The following SCEL variants were observed in gnomAD, a reference collection of about 807,000 sequenced individuals.
The protein encoded by SCEL is sciellin.
Under a neutral mutation model 117.6 loss-of-function variants are expected in SCEL, and 113 were observed. The ratio of observed to expected loss-of-function variants is 0.96; its 90% CI spans 0.83 to 1.12. The LOEUF (loss-of-function observed/expected upper bound fraction) is 1.12, where lower values mean the gene tolerates loss of function less well. Among genes scored for constraint, SCEL ranks in the 50% most tolerant of loss-of-function variants. The pLI is 0.00. For missense variants in SCEL, 785 were observed against 810.8 expected, an observed-to-expected ratio of 0.97 and a Z score of 0.39; for synonymous variants, 270 against 256.2, an observed-to-expected ratio of 1.05 and a Z score of -0.51.
intron 1 of SCEL, among the ~76,000 whole-genome samples, chr13:77,551,900 T>G (rs2084352070): frequency 7.4e-6 from 1 of 134,504 alleles, no homozygotes; most frequent in Admixed American, 8.7e-5. Flanking sequence ...TGTGTCCATG[T>G]GTTCTCATTG....
chr13:77,555,863 A>G lies in SCEL; in HGVS notation c.-13A>G. The G allele has an allele frequency of 6.2e-7, 1 of 1,610,392 alleles. No individual in the cohort carries two copies. The highest frequency in any genetic ancestry group is 8.5e-7 in the Non-Finnish European group (1 of 1,176,796). On this transcript the variant is annotated 5_prime_UTR_variant, in exon 2 of 33. Coordinates refer to ENST00000349847, the MANE Select transcript of SCEL (RefSeq NM_144777.3). ...TTTCCCATTTTTCTTTTAGGTCCTT[A>G]CTGGAAGGCAGCATGTCCAATGTTA...
chr13:77,623,765 T>A (rs2089556263), intron 27 of SCEL, among the ~76,000 whole-genome samples: 1 of 152,186 alleles, frequency 6.6e-6, no homozygotes, highest in Non-Finnish European at 1.5e-5. Context: ...GTGGGCAGTG[T>A]CTACAGCAGC....
intron 32 of SCEL, among the ~76,000 whole-genome samples, chr13:77,643,251 C>CA (rs1270926267): frequency 6.6e-6 from 1 of 151,994 alleles, no homozygotes; most frequent in Non-Finnish European, 1.5e-5. Flanking sequence ...TGTAGTTTTA[C>CA]AAAAATATAG....
intron 9 of SCEL, among the ~76,000 whole-genome samples, chr13:77,581,529 G>A (rs963386172): frequency 1.3e-5 from 2 of 152,118 alleles, no homozygotes; most frequent in Non-Finnish European, 2.9e-5. Flanking sequence ...TGGAGCTCTT[G>A]TTGCCTCCGC....
At chr13:77,642,639 G>T in intron 31 of SCEL, 67 bp from the exon 32 acceptor site, 1 of 957,506 alleles carries the variant, frequency 1.0e-6, no homozygotes. Context: ...GAGAGATGAT[G>T]TCTGTTCCTC....
chr13:77,545,168 T>G (rs1159227296), intron 1 of SCEL, among the ~76,000 whole-genome samples: 1 of 152,254 alleles, frequency 6.6e-6, no homozygotes, highest in Non-Finnish European at 1.5e-5. Flanking sequence ...TAGGCATATG[T>G]ACTGGCAACA....
At chr13:77,569,502 G>A (rs1168141892) in intron 8 of SCEL, 51 bp downstream of exon 8, 1 of 1,367,132 alleles carries the variant, frequency 7.3e-7, no homozygotes, top group Non-Finnish European at 1.0e-6. Flanking sequence ...ATGAAAGACT[G>A]CATTAGAAAG....
In SCEL at chr13:77,604,381, A is replaced by G. The variant is rs1235031978; in HGVS notation, c.1123A>G (p.Lys375Glu). 1 of 1,577,018 alleles carries G rather than the reference A, an allele frequency of 6.3e-7. No individual in the cohort carries two copies. The highest frequency in any genetic ancestry group is 1.2e-5 in the South Asian group (1 of 83,864). Residue 375 changes from lysine (K) to glutamate (E), a missense_variant, in exon 19 of 33, where the codon AAA becomes GAA. By Grantham distance (56) the Lys-to-Glu change is moderately conservative. Coordinates refer to ENST00000349847, the MANE Select transcript of SCEL (RefSeq NM_144777.3). Reference protein sequence around the residue: ...TGKKDLDGLIKVDPETNKNIT... With the variant: ...TGKKDLDGLIEVDPETNKNIT... The stretch of plus-strand genomic sequence containing the variant: ...AAAAAAAGACCTTGATGGGCTTATT[A>G]AAGTGGATCCTGAAACAAATAAAAA...
At chr13:77,597,731 C>T in intron 13 of SCEL, 142 bp downstream of exon 13, 1 of 478,336 alleles carries the variant, frequency 2.1e-6, no homozygotes. Flanking sequence ...TTGCAGCAAT[C>T]ATCATCATTT....
chr13:77,548,470 G>A (rs905912580), intron 1 of SCEL, among the ~76,000 whole-genome samples: 8 of 152,214 alleles, frequency 5.3e-5, no homozygotes, highest in Admixed American at 1.3e-4. Flanking sequence ...GGAGCATAAA[G>A]GGAAGCTAAG....
chr13:77,623,357 T>G (rs957608406), intron 27 of SCEL: 1 of 152,058 alleles, frequency 6.6e-6, no homozygotes, highest in African/African-American at 2.4e-5. Flanking sequence ...TGTAGATTAT[T>G]CAGATTAAAA....
intron 27 of SCEL, among the ~76,000 whole-genome samples, chr13:77,627,702 G>C (rs921107509): frequency 3.3e-5 from 5 of 151,960 alleles, no homozygotes; most frequent in African/African-American, 1.2e-4. Context: ...TTTCAGATCA[G>C]ATTTCCCAAA....
chr13:77,577,805 T>G (rs1238486811), intron 9 of SCEL, among the ~76,000 whole-genome samples: 2 of 152,174 alleles, frequency 1.3e-5, no homozygotes, highest in Admixed American at 6.5e-5. Context: ...TCCCTATTAT[T>G]GGGCGTTTCT....
In SCEL at chr13:77,592,534, T is replaced by G. The variant is rs557777223; in HGVS notation, c.693-980T>G. On this transcript the variant is annotated intron_variant, in intron 11 of 32. Coordinates refer to ENST00000349847, the MANE Select transcript of SCEL (RefSeq NM_144777.3). ...TATTAACCATCTATGAGATACTGAG[T>G]TCTTTTCTTTTCTTCTTCTTCTTCT... Among the ~76,000 whole-genome samples, 3 of 151,514 alleles carry G rather than the reference T, an allele frequency of 2.0e-5. No homozygotes were observed. In the South Asian group the frequency reaches 6.3e-4, roughly 32 times the overall value.
chr13:77,543,693 T>C (rs1195794566), intron 1 of SCEL, among the ~76,000 whole-genome samples: 2 of 152,184 alleles, frequency 1.3e-5, no homozygotes, highest in Non-Finnish European at 2.9e-5. Flanking sequence ...AAACACTTGG[T>C]ATTTGGTTTT....
At chr13:77,569,342 G>A (rs1678233665) in intron 7 of SCEL, 29 bp from the exon 8 acceptor site, 1 of 1,572,372 alleles carries the variant, frequency 6.4e-7, no homozygotes, top group East Asian at 2.2e-5. Context: ...TTGAGAGTGG[G>A]ATTAATTGTT....
At chr13:77,567,270 A>G (rs2085341541) in intron 5 of SCEL, among the ~76,000 whole-genome samples, 1 of 152,124 alleles carries the variant, frequency 6.6e-6, no homozygotes, top group South Asian at 2.1e-4. Context: ...TGTGGCCAAC[A>G]TGGTGAAACC....
At chr13:77,579,150 A>G (rs552867841) in intron 9 of SCEL, among the ~76,000 whole-genome samples, 1 of 152,248 alleles carries the variant, frequency 6.6e-6, no homozygotes, top group South Asian at 2.1e-4. Flanking sequence ...CATGAATTTT[A>G]CTTCCTCCCG....
At chr13:77,604,065 C>G (rs1002657410) in intron 18 of SCEL, among the ~76,000 whole-genome samples, 1 of 151,936 alleles carries the variant, frequency 6.6e-6, no homozygotes, top group Non-Finnish European at 1.5e-5. Context: ...AGTGTTCTAA[C>G]AAGATGTATC....
Sources: gnomAD v4.1 joint callset for allele counts (sites outside exome capture counted in the v4.1 genomes callset) on GRCh38, gnomAD v4.1.1 for gene constraint, MANE v1.5 for transcripts, NCBI Gene and HGNC (gene_info 2026-07-23, HGNC 2026-07-21) for gene names.